COA1: variants seen among roughly 807,000 people sequenced by gnomAD.
The protein encoded by COA1 is cytochrome c oxidase assembly factor 1 homolog.
COA1 carries 13 observed loss-of-function variants against 16.0 expected under a neutral mutation model. That is an observed-to-expected ratio of 0.81 (90% CI 0.53 to 1.29). COA1 has a LOEUF of 1.29. Ranked by LOEUF, COA1 falls within the 50% of genes most tolerant of loss-of-function variation. COA1 has a pLI of 0.00. For missense variants in COA1, 179 were observed against 177.0 expected (o/e 1.01, Z -0.06); for synonymous variants, 65 against 65.7 (o/e 0.99, Z 0.05).
chr7:43,628,794 CAT>C (rs1196207913), intron 6 of COA1, among the ~76,000 whole-genome samples: 4 of 152,182 alleles, frequency 2.6e-5, no homozygotes, highest in Non-Finnish European at 5.9e-5. Context: ...TTATGTGTCA[CAT>C]ATCTTTTCCC....
At chr7:43,707,555 A>G (rs2095040863) in intron 1 of COA1, among the ~76,000 whole-genome samples, 1 of 152,112 alleles carries the variant, frequency 6.6e-6, no homozygotes, top group Admixed American at 6.5e-5. Context: ...GGTAACTATC[A>G]TCTTGACTTC....
At chr7:43,699,022 T>C (rs1274860538) in intron 1 of COA1, among the ~76,000 whole-genome samples, 3 of 152,208 alleles carry the variant, frequency 2.0e-5, no homozygotes. Flanking sequence ...CAGTACTTTA[T>C]TTTAGCACTG....
chr7:43,684,736 G>A (rs1385171880), intron 1 of COA1, among the ~76,000 whole-genome samples: 3 of 152,038 alleles, frequency 2.0e-5, no homozygotes, highest in Non-Finnish European at 4.4e-5. Flanking sequence ...TACCATACTT[G>A]ACTGCTTGCT....
At chr7:43,686,958 G>A (rs909428632) in intron 1 of COA1, among the ~76,000 whole-genome samples, 12 of 152,066 alleles carry the variant, frequency 7.9e-5, no homozygotes, top group African/African-American at 2.7e-4. Flanking sequence ...CCAGCTTTTA[G>A]AGCCTCTGGC....
intron 1 of COA1, among the ~76,000 whole-genome samples, chr7:43,691,441 GAA>G (rs1319676513): frequency 3.0e-5 from 4 of 132,312 alleles, no homozygotes; most frequent in African/African-American, 1.3e-4. Flanking sequence ...AAGAAAGAAA[GAA>G]AGAAAGAAAG....
intron 1 of COA1, chr7:43,648,895 C>T (rs2090152555): frequency 2.4e-6 from 1 of 420,552 alleles, no homozygotes; most frequent in African/African-American, 2.0e-5. Flanking sequence ...TTTGTTACAG[C>T]AACCAAAGAA....
intron 1 of COA1, among the ~76,000 whole-genome samples, chr7:43,655,213 G>C (rs950133274): frequency 6.6e-6 from 1 of 151,962 alleles, no homozygotes; most frequent in African/African-American, 2.4e-5. Context: ...ATGGTGCCCA[G>C]GCTGGTCTTC....
At chr7:43,611,170 C>CA (rs772116343) in intron 6 of COA1, among the ~76,000 whole-genome samples, 11 of 152,192 alleles carry the variant, frequency 7.2e-5, no homozygotes, top group Non-Finnish European at 1.6e-4. Flanking sequence ...ACTTCTACAG[C>CA]AAACTTGATA....
At chr7:43,690,091 AAAT>A (rs1359395757) in intron 1 of COA1, among the ~76,000 whole-genome samples, 4 of 152,186 alleles carry the variant, frequency 2.6e-5, no homozygotes, top group Non-Finnish European at 5.9e-5. Flanking sequence ...TCAAAAAATA[AAAT>A]AATAATAATA....
chr7:43,639,177 T>C (rs568491026), downstream of COA1: 310 of 155,148 alleles, frequency 2.0e-3, no homozygotes, highest in Non-Finnish European at 2.9e-3. Context: ...TCAGTGCTAC[T>C]AAGCTTCAGG....
At chr7:43,627,071 T>C (rs2084634572) in intron 6 of COA1, among the ~76,000 whole-genome samples, 1 of 152,234 alleles carries the variant, frequency 6.6e-6, no homozygotes, top group Non-Finnish European at 1.5e-5. Context: ...TCACCAAATT[T>C]ATAAAGGACT....
intron 1 of COA1, among the ~76,000 whole-genome samples, chr7:43,662,007 G>A (rs1032968069): frequency 6.6e-6 from 1 of 152,172 alleles, no homozygotes; most frequent in African/African-American, 2.4e-5. Context: ...TCAAAATCAT[G>A]CAAGAGAAAT....
At chr7:43,714,213 T>C (rs961969701) in intron 1 of COA1, among the ~76,000 whole-genome samples, 4 of 151,714 alleles carry the variant, frequency 2.6e-5, no homozygotes, top group African/African-American at 9.7e-5. Context: ...TAAAAATAAA[T>C]AGTGAATCAT....
chr7:43,715,982 C>A (rs2095384904), intron 1 of COA1, among the ~76,000 whole-genome samples: 1 of 152,168 alleles, frequency 6.6e-6, no homozygotes, highest in Non-Finnish European at 1.5e-5. Context: ...TGCTGCCATC[C>A]ATGTAAGATA....
At chr7:43,718,440 C>G (rs1484363087) in intron 1 of COA1, among the ~76,000 whole-genome samples, 1 of 152,182 alleles carries the variant, frequency 6.6e-6, no homozygotes, top group Non-Finnish European at 1.5e-5. Flanking sequence ...ATACTATTGA[C>G]CACAGATCTT....
chr7:43,616,770 T>G (rs1433580401), intron 6 of COA1, among the ~76,000 whole-genome samples: 2 of 151,444 alleles, frequency 1.3e-5, no homozygotes, highest in Non-Finnish European at 2.9e-5. Context: ...GGTGGCGGGC[T>G]CCTGTAGTCC....
At chr7:43,659,238 A>T (rs2092169370) in intron 1 of COA1, 1 of 152,264 alleles carries the variant, frequency 6.6e-6, no homozygotes, top group South Asian at 2.1e-4. Context: ...GTGAAGGACA[A>T]GGCGCATAGC....
chr7:43,715,331 T>C (rs929131645), intron 1 of COA1, among the ~76,000 whole-genome samples: 2 of 151,714 alleles, frequency 1.3e-5, no homozygotes, highest in African/African-American at 4.8e-5. Context: ...CAAAAAAAAA[T>C]GCCAGGCGTG....
chr7:43,680,537 T>C (rs2093720738), intron 1 of COA1, among the ~76,000 whole-genome samples: 1 of 152,248 alleles, frequency 6.6e-6, no homozygotes, highest in Non-Finnish European at 1.5e-5. Flanking sequence ...GAGTAGCCTA[T>C]GTGTTTTTAA....
Sources: gnomAD v4.1 joint callset for allele counts (sites outside exome capture counted in the v4.1 genomes callset) on GRCh38, gnomAD v4.1.1 for gene constraint, MANE v1.5 for transcripts, NCBI Gene and HGNC (gene_info 2026-07-23, HGNC 2026-07-21) for gene names.